Variants in RBFOX1 observed in about 807,000 individuals in gnomAD.
RBFOX1 encodes RNA binding fox-1 homolog 1.
In RBFOX1, 8 loss-of-function variants were observed where a neutral mutation model predicts 57.7. That is an observed-to-expected ratio of 0.14 (90% CI 0.08 to 0.25). The LOEUF (loss-of-function observed/expected upper bound fraction) is 0.25, where lower values mean the gene tolerates loss of function less well. Among genes scored for constraint, RBFOX1 ranks in the 10% least tolerant of loss-of-function variants. The pLI, the probability that RBFOX1 is intolerant of heterozygous loss-of-function variation, is 1.00. For synonymous variants in RBFOX1, 326 were observed against 222.4 expected (o/e 1.47, Z -4.15); for missense variants, 611 against 548.5 (o/e 1.11, Z -1.14).
chr16:6,028,509 T>TAAAAAAAAAAA (rs36218292), intron 1 of RBFOX1, among the ~76,000 whole-genome samples: 2 of 104,520 alleles, frequency 1.9e-5, no homozygotes, highest in African/African-American at 7.0e-5. Context: ...CTGTCTCTGT[T>TAAAAAAAAAAA]AAAAAAAAAA....
chr16:5,530,339 A>G (rs1206422585), intron 2 of RBFOX1, among the ~76,000 whole-genome samples: 1 of 152,134 alleles, frequency 6.6e-6, no homozygotes, highest in Non-Finnish European at 1.5e-5. Context: ...CCTGTGGGGT[A>G]AGCTTCTAGA....
At chr16:5,478,713 G>A (rs1314766408) in intron 2 of RBFOX1, among the ~76,000 whole-genome samples, 4 of 152,154 alleles carry the variant, frequency 2.6e-5, no homozygotes, top group African/African-American at 9.7e-5. Flanking sequence ...GCTTTCCTGT[G>A]TAAACCCCAG....
chr16:6,854,464 T>A (rs759585596), intron 3 of RBFOX1, among the ~76,000 whole-genome samples: 1 of 152,108 alleles, frequency 6.6e-6, no homozygotes, highest in African/African-American at 2.4e-5. Flanking sequence ...TGTTACACCT[T>A]GAGGGCTGCC....
In RBFOX1 at chr16:5,856,601, A is replaced by G. The variant is rs8059810; in HGVS notation, c.319-10702A>G. ...TATATATATATATATATATATATAT[A>G]TATAATCTTAGCCAGATCTTCTGGA... On this transcript the variant is annotated intron_variant, in intron 3 of 19. Transcript: ENST00000641259. Among the ~76,000 whole-genome samples, 155 of 107,230 alleles carry G rather than the reference A, an allele frequency of 1.4e-3. 3 individuals are homozygous for G. Among genetic ancestry groups the G allele is most frequent in the African/African-American group, 5.4e-3 (149 of 27,464 alleles). The allele number at this position is 107,230 out of a possible 152,430, so 70.3% of individuals were successfully genotyped here. A position where few individuals can be genotyped will look rare whatever the true frequency, so the allele number is the denominator to read the frequency against.
At position 6,476,129 on chromosome 16, in the gene RBFOX1, A is replaced by G. The variant is rs939559780; in HGVS notation, c.-64+159072A>G. ...GTCATCGACACTCACATGGCCAGGG[A>G]CGCCACCCTTTTCTTATATTTACAT... On this transcript the variant is annotated intron_variant, in intron 2 of 15. Coordinates refer to ENST00000550418, the MANE Select transcript of RBFOX1 (RefSeq NM_018723.4). 6.6e-5 allele frequency among the ~76,000 whole-genome samples: 10 copies of G among 152,276 alleles called. No individual in the cohort carries two copies. The South Asian group carries it at 2.1e-3, about 32-fold the overall frequency.
At chr16:5,399,744 AAATT>A (rs749042613) in intron 1 of RBFOX1, among the ~76,000 whole-genome samples, 4 of 151,880 alleles carry the variant, frequency 2.6e-5, no homozygotes, top group East Asian at 3.9e-4. Flanking sequence ...AAAAAAAAAA[AAATT>A]TTTTTTTTTG....
At chr16:7,649,056 C>T (rs987395546) in intron 11 of RBFOX1, among the ~76,000 whole-genome samples, 3 of 151,662 alleles carry the variant, frequency 2.0e-5, no homozygotes, top group Non-Finnish European at 4.4e-5. Context: ...GGATCTTGTG[C>T]AAAAAAAGAA....
intron 4 of RBFOX1, among the ~76,000 whole-genome samples, chr16:5,884,448 C>T (rs1021814878): frequency 4.4e-4 from 63 of 142,912 alleles, no homozygotes; most frequent in Admixed American, 7.7e-4. Context: ...CACCGCCCCG[C>T]CCCCCGCTCC....
chr16:7,525,480 T>C (rs1391815113), intron 5 of RBFOX1, among the ~76,000 whole-genome samples: 1 of 152,132 alleles, frequency 6.6e-6, no homozygotes, highest in African/African-American at 2.4e-5. Context: ...GGACTTAAGA[T>C]GTGGACATTG....
At chr16:6,615,946 AGTGGTACCGGTCCCTT>A (rs1426035628) in intron 2 of RBFOX1, among the ~76,000 whole-genome samples, 1 of 152,156 alleles carries the variant, frequency 6.6e-6, no homozygotes, top group East Asian at 1.9e-4. Flanking sequence ...ATCTGTGAAC[AGTGGTACCGGTCCCTT>A]GACGTTGTAG....
At chr16:6,590,678 C>A (rs576843620) in intron 2 of RBFOX1, among the ~76,000 whole-genome samples, 10 of 152,306 alleles carry the variant, frequency 6.6e-5, no homozygotes, top group Admixed American at 5.9e-4. Context: ...TATTTACATG[C>A]ATACTACGAA....
intron 4 of RBFOX1, among the ~76,000 whole-genome samples, chr16:7,210,840 A>T (rs545164048): frequency 3.3e-5 from 5 of 152,212 alleles, no homozygotes; most frequent in South Asian, 2.1e-4. Flanking sequence ...CAGTATGATG[A>T]CTCTAAGAAA....
chr16:6,749,888 C>G (rs532680654), intron 3 of RBFOX1, among the ~76,000 whole-genome samples: 1 of 152,278 alleles, frequency 6.6e-6, no homozygotes, highest in South Asian at 2.1e-4. Context: ...AAAGACTTCT[C>G]CATTTCTACA....
chr16:7,196,455 A>G (rs2086716646), intron 4 of RBFOX1, among the ~76,000 whole-genome samples: 1 of 152,200 alleles, frequency 6.6e-6, no homozygotes, highest in African/African-American at 2.4e-5. Flanking sequence ...CAACACTGAT[A>G]GTGTAGGTAC....
intron 4 of RBFOX1, among the ~76,000 whole-genome samples, chr16:7,139,176 C>CTCTTTCTCTCTCTGTGTGTGTG (rs372381673): frequency 6.9e-6 from 1 of 145,792 alleles, no homozygotes; most frequent in South Asian, 2.3e-4. Context: ...CAATCTCTCT[C>CTCTTTCTCTCTCTGTGTGTGTG]TGTGTGTGTG....
At chr16:7,277,347 T>G (rs2095460177) in intron 4 of RBFOX1, among the ~76,000 whole-genome samples, 1 of 152,214 alleles carries the variant, frequency 6.6e-6, no homozygotes, top group Non-Finnish European at 1.5e-5. Flanking sequence ...TGTATGTAGA[T>G]ATCTCCTTCT....
At chr16:7,305,185 A>G (rs1259832735) in intron 4 of RBFOX1, among the ~76,000 whole-genome samples, 1 of 149,352 alleles carries the variant, frequency 6.7e-6, no homozygotes, top group African/African-American at 2.5e-5. Flanking sequence ...TTGCTGAGGG[A>G]GTCTGTGTTT....
At chr16:6,619,683 T>G (rs2098197839) in intron 2 of RBFOX1, among the ~76,000 whole-genome samples, 1 of 129,474 alleles carries the variant, frequency 7.7e-6, no homozygotes, top group African/African-American at 3.0e-5. Context: ...TCTTTGTTGG[T>G]TTCCTTTTTT....
intron 2 of RBFOX1, among the ~76,000 whole-genome samples, chr16:6,320,114 G>A (rs1327252959): frequency 6.6e-6 from 1 of 152,066 alleles, no homozygotes; most frequent in Non-Finnish European, 1.5e-5. Context: ...GAGGTTGAGG[G>A]TACAGATAAG....
Sources: allele counts gnomAD v4.1 joint callset (sites outside exome capture counted in the v4.1 genomes callset), GRCh38; gene constraint gnomAD v4.1.1; transcripts MANE v1.5; gene names NCBI Gene and HGNC (gene_info 2026-07-23, HGNC 2026-07-21).